Variants in GALNT18 observed in about 807,000 individuals in gnomAD.
The protein encoded by GALNT18 is polypeptide N-acetylgalactosaminyltransferase 18.
Under a neutral mutation model 69.5 loss-of-function variants are expected in GALNT18, and 44 were observed. That is an observed-to-expected ratio of 0.63 (90% CI 0.50 to 0.81). GALNT18 has a LOEUF of 0.81. Ranked by LOEUF, GALNT18 falls within the 40% of genes least tolerant of loss-of-function variation. The probability of loss-of-function intolerance (pLI) is 0.00; values close to 1 mark genes in which losing one functional copy is unlikely to be tolerated. For synonymous variants in GALNT18, 364 were observed against 318.2 expected (o/e 1.14, Z -1.53); for missense variants, 715 against 810.0 (o/e 0.88, Z 1.42).
intron 1 of GALNT18, among the ~76,000 whole-genome samples, chr11:11,468,795 A>AG (rs2133850417): frequency 6.6e-6 from 1 of 152,306 alleles, no homozygotes; most frequent in Admixed American, 6.5e-5. Context: ...CTGTCACTGA[A>AG]GGGGGTGTGG....
chr11:11,313,030 A>T (rs962906973), intron 9 of GALNT18, among the ~76,000 whole-genome samples: 4 of 152,190 alleles, frequency 2.6e-5, no homozygotes, highest in Non-Finnish European at 5.9e-5. Context: ...TCTAAGAATA[A>T]CAAGTAAGGA....
intron 1 of GALNT18, among the ~76,000 whole-genome samples, chr11:11,493,760 G>A (rs990098462): frequency 3.3e-5 from 5 of 152,186 alleles, no homozygotes; most frequent in African/African-American, 1.2e-4. Flanking sequence ...TTTCTGCTCT[G>A]GAACTTCAGA....
chr11:11,277,002 G>A (rs890339153), intron 10 of GALNT18, among the ~76,000 whole-genome samples: 1 of 152,158 alleles, frequency 6.6e-6, no homozygotes, highest in Non-Finnish European at 1.5e-5. Flanking sequence ...CCAGGTTTTG[G>A]TATCAGGATG....
intron 10 of GALNT18, among the ~76,000 whole-genome samples, chr11:11,279,437 A>G (rs891584412): frequency 7.9e-4 from 120 of 152,306 alleles, no homozygotes; most frequent in African/African-American, 2.8e-3. Flanking sequence ...TTCTATCAGA[A>G]ACGTTTATAC....
chr11:11,543,415 C>G lies in GALNT18; in HGVS notation c.235+77944G>C, dbSNP rs533298130. On this transcript the variant is annotated intron_variant, in intron 1 of 10. Transcript: ENST00000227756. This position sits in a 1 kb window ranked among gnomAD's most constrained non-coding sequence, Gnocchi z 5.1. ...AAAGGAGCCTCGATGGAGACCCACTCTGGAACTGGATATGCCACCCATTTT... is the reference window on the plus strand; with the variant it reads ...AAAGGAGCCTCGATGGAGACCCACTGTGGAACTGGATATGCCACCCATTTT... 6.6e-6 allele frequency among the ~76,000 whole-genome samples: 1 copy of G among 152,206 alleles called. No homozygotes were observed. The highest frequency in any genetic ancestry group is 1.5e-5 in the Non-Finnish European group (1 of 68,046).
At position 11,430,053 on chromosome 11, in the gene GALNT18, T is replaced by C. The variant is rs1006402048; in HGVS notation, c.595+2568A>G. On this transcript the variant is annotated intron_variant, in intron 3 of 10. Coordinates refer to ENST00000227756, the MANE Select transcript of GALNT18 (RefSeq NM_198516.3). The surrounding 1 kb of genome is among the most constrained non-coding windows in gnomAD (Gnocchi z 4.9). ...TACTCGGGAGGCTAAGATGGGAGGA[T>C]TGCTTGAGCCTGGGAGCCTGGGAGC... 3.9e-5 allele frequency among the ~76,000 whole-genome samples: 6 copies of C among 151,976 alleles called. No homozygotes were observed. Among genetic ancestry groups the C allele is most frequent in the African/African-American group, 9.7e-5 (4 of 41,376 alleles).
chr11:11,433,325 T>C (rs1468994469), intron 2 of GALNT18, among the ~76,000 whole-genome samples: 1 of 152,148 alleles, frequency 6.6e-6, no homozygotes, highest in African/African-American at 2.4e-5. Context: ...AAATCCAGTT[T>C]CCAGAACAGG....
chr11:11,375,894 T>C (rs1853739451), intron 5 of GALNT18, among the ~76,000 whole-genome samples: 1 of 152,154 alleles, frequency 6.6e-6, no homozygotes, highest in South Asian at 2.1e-4. Flanking sequence ...CAAGGAAAAA[T>C]GTGATCTTAA....
In GALNT18 at chr11:11,562,444, T is replaced by C. The variant is rs1380167488; in HGVS notation, c.235+58915A>G. On this transcript the variant is annotated intron_variant, in intron 1 of 10. Coordinates refer to ENST00000227756, the MANE Select transcript of GALNT18 (RefSeq NM_198516.3). This position sits in a 1 kb window ranked among gnomAD's most constrained non-coding sequence, Gnocchi z 4.1. Reference sequence around the variant, plus strand: ...CTCCAAATAAGGTTACATTCTGAGGTATTAGGGGTGAGGACTCCAAAATAT... The same window carrying C: ...CTCCAAATAAGGTTACATTCTGAGGCATTAGGGGTGAGGACTCCAAAATAT... Among the ~76,000 whole-genome samples the C allele has an allele frequency of 6.6e-6, 1 of 152,090 alleles. No individual in the cohort carries two copies. Among genetic ancestry groups the C allele is most frequent in the East Asian group, 1.9e-4 (1 of 5,192 alleles).
intron 10 of GALNT18, among the ~76,000 whole-genome samples, chr11:11,283,029 G>A (rs1849116440): frequency 1.3e-5 from 2 of 152,192 alleles, no homozygotes; most frequent in Non-Finnish European, 2.9e-5. Flanking sequence ...GGGCAAGGAG[G>A]GGAGGAGGTG....
chr11:11,462,755 C>A (rs898907240), intron 1 of GALNT18, among the ~76,000 whole-genome samples: 3 of 152,156 alleles, frequency 2.0e-5, no homozygotes, highest in East Asian at 1.9e-4. Flanking sequence ...TTCAATGGAA[C>A]CACCTGAAGT....
chr11:11,597,416 C>T lies in GALNT18; in HGVS notation c.235+23943G>A, dbSNP rs559462062. 6.8e-4 allele frequency among the ~76,000 whole-genome samples: 104 copies of T among 152,178 alleles called. 1 individual carries two copies. The highest frequency in any genetic ancestry group is 4.8e-3 in the South Asian group (23 of 4,814). ...AGTTACCCAGTAAAGCCATTTGGACCTGGACTTTTCTTTGGGAGAATTTTT... is the reference window on the plus strand; with the variant it reads ...AGTTACCCAGTAAAGCCATTTGGACTTGGACTTTTCTTTGGGAGAATTTTT... On this transcript the variant is annotated intron_variant, in intron 1 of 10. Coordinates refer to ENST00000227756, the MANE Select transcript of GALNT18 (RefSeq NM_198516.3).
chr11:11,294,384 G>C (rs977346294), intron 9 of GALNT18, among the ~76,000 whole-genome samples: 1 of 152,164 alleles, frequency 6.6e-6, no homozygotes, highest in African/African-American at 2.4e-5. Flanking sequence ...GAAGGAAAGT[G>C]GGTGGTAAAC....
rs1331007471 is a variant in GALNT18 at position 11,621,555 on chromosome 11, A to G, written c.39T>C (p.Thr13=). ...CTRKTKTLVS[T]CVILSGMTNI... ...TAGTCATGCCGCTCAGGATCACGCA[A>G]GTGGACACCAAAGTTTTGGTCTTCC... is the stretch of plus-strand genomic sequence containing the variant. Residue 13 remains threonine (T), a synonymous_variant, in exon 1 of 11, where the codon ACT becomes ACC. Transcript: ENST00000227756. The surrounding 1 kb of genome is among the most constrained non-coding windows in gnomAD (Gnocchi z 9.3). The G allele has an allele frequency of 6.2e-7, 1 of 1,612,814 alleles. No homozygotes were observed. Among genetic ancestry groups the G allele is most frequent in the Non-Finnish European group, 8.5e-7 (1 of 1,179,418 alleles).
chr11:11,385,301 T>TAA lies in GALNT18; in HGVS notation c.596-6038_596-6037insTT, dbSNP rs1564922288. ...CACCTCCACTATTGGGGATCAAATT[T>TAA]TTTTTTTTTTTTGAGACAGAGTCTC... On this transcript the variant is annotated intron_variant, in intron 3 of 10. Coordinates refer to ENST00000227756, the MANE Select transcript of GALNT18 (RefSeq NM_198516.3). Among the ~76,000 whole-genome samples, 18 of 150,948 alleles carry TAA rather than the reference T, an allele frequency of 1.2e-4. No homozygotes were observed. In the East Asian group the frequency reaches 2.3e-3, roughly 20 times the overall value.
Position 11,372,530 on chromosome 11 carries a change from C to T in GALNT18, c.1077G>A (p.Val359=), listed in dbSNP as rs1271200641. ...CCCCACTCACCCTGATCCCAAGCTC[C>T]ACATTCTCGCCCCCGTAGACTTCCA... ...EGMEVYGGEN[V]ELGIRVWQCG... Residue 359 remains valine, a synonymous_variant, in exon 6 of 11, where the codon GTG becomes GTA. Coordinates refer to ENST00000227756, the MANE Select transcript of GALNT18 (RefSeq NM_198516.3). The surrounding 1 kb of genome is among the most constrained non-coding windows in gnomAD (Gnocchi z 4.9). 3.1e-6 allele frequency: 5 copies of T among 1,614,150 alleles called. No homozygotes were observed. The highest frequency in any genetic ancestry group is 2.2e-5 in the East Asian group (1 of 44,878).
At chr11:11,406,959 T>C (rs536711811) in intron 3 of GALNT18, among the ~76,000 whole-genome samples, 15 of 152,318 alleles carry the variant, frequency 9.8e-5, no homozygotes, top group African/African-American at 3.4e-4. Context: ...GGGTTTGCAC[T>C]GAGGTGAGGG....
chr11:11,276,040 TTAAAG>T (rs1423020776), intron 10 of GALNT18, among the ~76,000 whole-genome samples: 4 of 152,356 alleles, frequency 2.6e-5, no homozygotes, highest in East Asian at 3.9e-4. Flanking sequence ...CATATGAACT[TTAAAG>T]TAGTTTTCTC....
intron 6 of GALNT18, among the ~76,000 whole-genome samples, chr11:11,366,042 T>C (rs758028984): frequency 9.2e-5 from 14 of 152,220 alleles, no homozygotes; most frequent in Admixed American, 5.2e-4. Flanking sequence ...TACCCAGTGG[T>C]AGGACCATCT....
Sources: allele counts gnomAD v4.1 joint callset (sites outside exome capture counted in the v4.1 genomes callset), GRCh38; gene constraint gnomAD v4.1.1; non-coding constraint Gnocchi (gnomAD v3.1); transcripts MANE v1.5; gene names NCBI Gene and HGNC (gene_info 2026-07-23, HGNC 2026-07-21).